CAMK1D: variants seen among roughly 807,000 people sequenced by gnomAD.
The protein encoded by CAMK1D is calcium/calmodulin-dependent protein kinase type 1D.
A neutral mutation model predicts 47.7 loss-of-function variants in CAMK1D; 9 were observed. That is an observed-to-expected ratio of 0.19 (90% CI 0.11 to 0.33). The LOEUF (loss-of-function observed/expected upper bound fraction) is 0.33, where lower values mean the gene tolerates loss of function less well. Among genes scored for constraint, CAMK1D ranks in the 10% least tolerant of loss-of-function variants. CAMK1D has a pLI of 1.00. For synonymous variants in CAMK1D, 184 were observed against 184.9 expected, an observed-to-expected ratio of 0.99 and a Z score of 0.04; for missense variants, 291 against 488.7, an observed-to-expected ratio of 0.60 and a Z score of 3.81.
intron 1 of CAMK1D, 123 bp from the exon 2 acceptor site, chr10:12,553,102 A>G (rs12411522): frequency 5.9e-6 from 9 of 1,533,968 alleles, no homozygotes; most frequent in Non-Finnish European, 7.0e-6. Flanking sequence ...GATAAAAGTA[A>G]CAGTAATGCT....
intron 1 of CAMK1D, among the ~76,000 whole-genome samples, chr10:12,447,572 T>G (rs1478656427): frequency 6.6e-6 from 1 of 152,152 alleles, no homozygotes; most frequent in Non-Finnish European, 1.5e-5. Flanking sequence ...TGTAGTTGTG[T>G]GCACCTGGGG....
chr10:12,778,532 T>C lies in CAMK1D; in HGVS notation c.565+8733T>C, dbSNP rs113881290. Among the ~76,000 whole-genome samples the C allele has an allele frequency of 5.6e-3, 859 of 152,310 alleles. 10 individuals carry two copies. Among genetic ancestry groups the C allele is most frequent in the African/African-American group, 0.02 (828 of 41,560 alleles). On this transcript the variant is annotated intron_variant, in intron 5 of 10. Transcript: ENST00000619168. ...AGGTTCTGCAGTAGATTGTGGTAGA[T>C]GGGCCACACAGATTCATGTGAGGCA...
intron 1 of CAMK1D, among the ~76,000 whole-genome samples, chr10:12,389,993 G>A (rs966497800): frequency 4.6e-5 from 7 of 152,132 alleles, no homozygotes; most frequent in African/African-American, 1.7e-4. Flanking sequence ...CTGCCCCATG[G>A]GGCAAGGTGA....
rs554946103 is a variant in CAMK1D, at chr10:12,507,245, A to G, written c.93-45980A>G. Among the ~76,000 whole-genome samples, 11 of 152,364 alleles carry G rather than the reference A, an allele frequency of 7.2e-5. No individual in the cohort carries two copies. In the South Asian group the frequency reaches 2.3e-3, roughly 32 times the overall value. Reference sequence around the variant, plus strand: ...CACAAGCTAATACACGGAGTGGAGAAACACAAAGAGGCTAAAAGAGCTCTT... The same window carrying G: ...CACAAGCTAATACACGGAGTGGAGAGACACAAAGAGGCTAAAAGAGCTCTT... On this transcript the variant is annotated intron_variant, in intron 1 of 10. Coordinates refer to ENST00000619168, the MANE Select transcript of CAMK1D (RefSeq NM_153498.4).
chr10:12,672,064 C>T (rs1422973610), intron 3 of CAMK1D, among the ~76,000 whole-genome samples: 3 of 151,658 alleles, frequency 2.0e-5, no homozygotes, highest in Admixed American at 6.6e-5. Flanking sequence ...TACAGGCACC[C>T]GCCACCACGC....
intron 5 of CAMK1D, among the ~76,000 whole-genome samples, chr10:12,780,966 C>T (rs979343346): frequency 6.6e-6 from 1 of 152,224 alleles, no homozygotes; most frequent in African/African-American, 2.4e-5. Flanking sequence ...AGGGCCTGCT[C>T]CTCTTCGTGG....
chr10:12,619,738 A>G (rs150212490), intron 2 of CAMK1D, among the ~76,000 whole-genome samples: 18 of 152,166 alleles, frequency 1.2e-4, no homozygotes, highest in African/African-American at 4.1e-4. Flanking sequence ...ATCTTACAAA[A>G]CTGTAGTACA....
At chr10:12,364,237 C>CTTT (rs35224750) in intron 1 of CAMK1D, among the ~76,000 whole-genome samples, 17 of 65,320 alleles carry the variant, frequency 2.6e-4, no homozygotes, top group African/African-American at 3.9e-4. Flanking sequence ...TGCGCATTCT[C>CTTT]TTTTTTTTTT....
At chr10:12,572,013 G>A in intron 2 of CAMK1D, among the ~76,000 whole-genome samples, 1 of 149,408 alleles carries the variant, frequency 6.7e-6, no homozygotes, top group Non-Finnish European at 1.5e-5. Flanking sequence ...TCATTTCAAA[G>A]ATAGAAAGCA....
chr10:12,698,664 C>G (rs1044750929), intron 3 of CAMK1D, among the ~76,000 whole-genome samples: 10 of 122,018 alleles, frequency 8.2e-5, no homozygotes, highest in African/African-American at 3.0e-4. Context: ...AAATGATGCC[C>G]TTTAAAGAAT....
intron 3 of CAMK1D, among the ~76,000 whole-genome samples, chr10:12,711,647 A>C (rs1208399109): frequency 6.6e-6 from 1 of 152,198 alleles, no homozygotes; most frequent in Non-Finnish European, 1.5e-5. Context: ...AGAAGAGGTG[A>C]ATGTCATTGC....
At chr10:12,435,028 GC>G (rs1225365426) in intron 1 of CAMK1D, among the ~76,000 whole-genome samples, 1 of 151,954 alleles carries the variant, frequency 6.6e-6, no homozygotes, top group Non-Finnish European at 1.5e-5. Context: ...GACCATCCTG[GC>G]CAACATGGTG....
intron 1 of CAMK1D, among the ~76,000 whole-genome samples, chr10:12,403,677 A>G (rs1437814368): frequency 6.6e-6 from 1 of 152,214 alleles, no homozygotes; most frequent in East Asian, 1.9e-4. Flanking sequence ...CTGTTAATGC[A>G]TTTAAAAATA....
At chr10:12,746,363 C>CAA (rs542434085) in intron 3 of CAMK1D, among the ~76,000 whole-genome samples, 11 of 86,828 alleles carry the variant, frequency 1.3e-4, no homozygotes, top group African/African-American at 1.5e-4. Flanking sequence ...GACTCCGTCT[C>CAA]AAAAAAAAAA....
At chr10:12,488,633 C>T (rs1165215500) in intron 1 of CAMK1D, among the ~76,000 whole-genome samples, 3 of 152,160 alleles carry the variant, frequency 2.0e-5, no homozygotes, top group Non-Finnish European at 4.4e-5. Flanking sequence ...TTCTACAACT[C>T]ACCATCATGT....
At chr10:12,595,127 A>G (rs1335390862) in intron 2 of CAMK1D, among the ~76,000 whole-genome samples, 1 of 151,988 alleles carries the variant, frequency 6.6e-6, no homozygotes, top group Non-Finnish European at 1.5e-5. Context: ...AGATCATCTG[A>G]GGTCAGGAGT....
intron 5 of CAMK1D, among the ~76,000 whole-genome samples, chr10:12,772,411 C>T (rs1837082138): frequency 6.6e-6 from 1 of 152,192 alleles, no homozygotes. Context: ...CTCTTCCCTT[C>T]AGGAAGTTGA....
chr10:12,383,526 G>A (rs549069446), intron 1 of CAMK1D, among the ~76,000 whole-genome samples: 67 of 152,174 alleles, frequency 4.4e-4, no homozygotes, highest in African/African-American at 1.5e-3. Flanking sequence ...TATTAAATAC[G>A]CCCATTTCAA....
intron 2 of CAMK1D, among the ~76,000 whole-genome samples, chr10:12,577,033 A>G (rs73572211): frequency 0.04 from 6,040 of 152,270 alleles, 317 homozygotes; most frequent in African/African-American, 0.13. Flanking sequence ...TTTCACGTGC[A>G]TCTTGGTTTC....
Sources: allele counts gnomAD v4.1 joint callset (sites outside exome capture counted in the v4.1 genomes callset), GRCh38; gene constraint gnomAD v4.1.1; transcripts MANE v1.5; gene names NCBI Gene and HGNC (gene_info 2026-07-23, HGNC 2026-07-21).